Variants in KCTD1 observed in about 807,000 individuals in gnomAD.
KCTD1 encodes potassium channel tetramerization domain containing 1.
A neutral mutation model predicts 66.0 loss-of-function variants in KCTD1; 24 were observed. The observed-to-expected ratio is 0.36, with a 90% CI of 0.26 to 0.51. KCTD1 has a LOEUF of 0.51. KCTD1 is among the 20% of genes least tolerant of loss of function. The probability of loss-of-function intolerance (pLI) is 0.95; values close to 1 mark genes in which losing one functional copy is unlikely to be tolerated. For missense variants in KCTD1, 943 were observed against 1,205.2 expected, an observed-to-expected ratio of 0.78 and a Z score of 3.22; for synonymous variants, 511 against 517.2, an observed-to-expected ratio of 0.99 and a Z score of 0.16.
At chr18:26,559,705 G>A (rs1051633308) in intron 1 of KCTD1, among the ~76,000 whole-genome samples, 2 of 152,188 alleles carry the variant, frequency 1.3e-5, no homozygotes, top group African/African-American at 4.8e-5. Flanking sequence ...CATGGTAGGA[G>A]GGGCTGTTAA....
chr18:26,490,799 C>G (rs927001358), intron 2 of KCTD1, among the ~76,000 whole-genome samples: 1 of 152,008 alleles, frequency 6.6e-6, no homozygotes, highest in Non-Finnish European at 1.5e-5. Flanking sequence ...CGCCCAGGGT[C>G]TGAAGTACAG....
intron 1 of KCTD1, among the ~76,000 whole-genome samples, chr18:26,589,136 A>G (rs1986539134): frequency 6.6e-6 from 1 of 152,220 alleles, no homozygotes; most frequent in Non-Finnish European, 1.5e-5. Flanking sequence ...GGCTCTGTCT[A>G]GACCTGTGGC....
intron 1 of KCTD1, among the ~76,000 whole-genome samples, chr18:26,598,026 A>ATT (rs1986808030): frequency 6.6e-6 from 1 of 152,148 alleles, no homozygotes. Context: ...TCCAAGGCTG[A>ATT]TTCTAAGACA....
chr18:26,547,539 G>C lies in KCTD1; in HGVS notation c.998C>G (p.Ser333Cys), dbSNP rs1985310069. 1.9e-6 allele frequency: 3 copies of C among 1,551,640 alleles called. No individual in the cohort carries two copies. The highest frequency in any genetic ancestry group is 2.6e-6 in the Non-Finnish European group (3 of 1,146,990). ...GTCCTCGTCCATGGCCAGCCCAAAA[G>C]AGTCCTCCTCCAACTCACGCTGGTT... ...RENQRELEED[S>C]FGLAMDEDGR... Residue 333 changes from serine to cysteine, a missense_variant, in exon 1 of 5, where the codon TCT becomes TGT. Around this residue, in one of 10 missense-constraint regions of KCTD1, gnomAD observed 66 missense variants for 61.6 expected, o/e 1.07. Coordinates refer to ENST00000580059, the MANE Select transcript of KCTD1 (RefSeq NM_001142730.3).
chr18:26,491,361 A>G (rs1331975355), intron 2 of KCTD1, among the ~76,000 whole-genome samples: 1 of 152,204 alleles, frequency 6.6e-6, no homozygotes, highest in East Asian at 1.9e-4. Flanking sequence ...GCAAGGATCA[A>G]AGCTGGTCAC....
chr18:26,514,045 A>G (rs1447199723), intron 1 of KCTD1, among the ~76,000 whole-genome samples: 1 of 152,210 alleles, frequency 6.6e-6, no homozygotes, highest in African/African-American at 2.4e-5. Flanking sequence ...TCTTAGTGTC[A>G]TTTTATTGGA....
rs542490086 is a variant in KCTD1 at position 26,584,115 on chromosome 18, G to C, written c.-16+45032C>G. On this transcript the variant is annotated intron_variant, in intron 1 of 4. Coordinates refer to the KCTD1 transcript ENST00000317932. ...AGTCATTTCTTATATGAAAGACCAG[G>C]GTTCTGAGGCAATATTGGGATTGGA... 1.7e-4 allele frequency among the ~76,000 whole-genome samples: 26 copies of C among 152,290 alleles called. No individual in the cohort carries two copies. The East Asian group carries it at 3.7e-3, about 21-fold the overall frequency.
chr18:26,584,795 G>A (rs960585082), intron 1 of KCTD1, among the ~76,000 whole-genome samples: 2 of 152,162 alleles, frequency 1.3e-5, no homozygotes, highest in African/African-American at 2.4e-5. Flanking sequence ...AGTAGGTGAA[G>A]TATAAACTGA....
rs1177884568 is a variant in KCTD1, at chr18:26,650,875, T to C, written c.9+6485A>G. On this transcript the variant is annotated intron_variant, in intron 1 of 4. Coordinates refer to the KCTD1 transcript ENST00000580191. ...GAATATCCCTTCCTCTAGCCAGCAT[T>C]TGAAATCTATCTCGTTAACATTCTC... is the stretch of plus-strand genomic sequence containing the variant. 2.0e-5 allele frequency among the ~76,000 whole-genome samples: 3 copies of C among 152,260 alleles called. No individual in the cohort carries two copies. In the East Asian group the frequency reaches 5.8e-4, roughly 29 times the overall value.
upstream of KCTD1, chr18:26,548,619 C>T: frequency 8.5e-7 from 1 of 1,170,734 alleles, no homozygotes; most frequent in Non-Finnish European, 1.1e-6. Context: ...GTTTAATGAC[C>T]TTCAGCTACC....
chr18:26,538,100 A>G (rs1984795835), intron 1 of KCTD1, among the ~76,000 whole-genome samples: 1 of 151,608 alleles, frequency 6.6e-6, no homozygotes, highest in South Asian at 2.1e-4. Context: ...TACAAAAATT[A>G]GCCGGGCATG....
intron 1 of KCTD1, among the ~76,000 whole-genome samples, chr18:26,616,181 A>G (rs1403579938): frequency 6.1e-5 from 9 of 147,414 alleles, no homozygotes; most frequent in Non-Finnish European, 8.9e-5. Flanking sequence ...GTTGGACCTC[A>G]GGTGATGAGT....
At chr18:26,588,882 T>TGC (rs879309630) in intron 1 of KCTD1, among the ~76,000 whole-genome samples, 23,077 of 152,102 alleles carry the variant, frequency 0.15, 1,794 homozygotes, top group East Asian at 0.26. Context: ...CCCTAATATA[T>TGC]ACAGTATAGA....
At position 26,476,432 on chromosome 18, in the gene KCTD1, A is replaced by T; in HGVS notation, c.2133+83T>A. 4 of 1,327,356 alleles carry T rather than the reference A, an allele frequency of 3.0e-6. No individual in the cohort carries two copies. The highest frequency in any genetic ancestry group is 4.1e-6 in the Non-Finnish European group (4 of 970,306). The allele number at this position is 1,327,356 out of a possible 1,614,324, so 82.2% of individuals were successfully genotyped here. ...ACCTTTCGAGTTGGTGTATGTTAAT[A>T]ATGTAGAACTAGAAATATTTTTTTG... On this transcript the variant is annotated intron_variant, in intron 3 of 4. Transcript: ENST00000580059. The surrounding 1 kb of genome is among the most constrained non-coding windows in gnomAD (Gnocchi z 4.9).
intron 1 of KCTD1, among the ~76,000 whole-genome samples, chr18:26,539,411 G>A (rs1008698109): frequency 2.6e-5 from 4 of 152,186 alleles, no homozygotes; most frequent in Non-Finnish European, 5.9e-5. Flanking sequence ...GGCACAGAGT[G>A]GCGGGATTTT....
intron 1 of KCTD1, among the ~76,000 whole-genome samples, chr18:26,578,084 T>A (rs374162362): frequency 1.3e-4 from 18 of 135,392 alleles, no homozygotes; most frequent in Middle Eastern, 4.3e-3. Flanking sequence ...TTTGACAGAG[T>A]CTTGCTCTGT....
At chr18:26,641,369 T>G (rs1388373215), upstream of KCTD1, among the ~76,000 whole-genome samples, 1 of 152,198 alleles carries the variant, frequency 6.6e-6, no homozygotes, top group Non-Finnish European at 1.5e-5. Context: ...ATAGTTTGGA[T>G]TTTTTAAAGT....
intron 1 of KCTD1, among the ~76,000 whole-genome samples, chr18:26,525,028 T>TA (rs924276452): frequency 2.0e-5 from 3 of 152,006 alleles, no homozygotes; most frequent in African/African-American, 4.8e-5. Context: ...TTCATTTCCC[T>TA]AAAAAAAACT....
chr18:26,499,036 T>C (rs1398412308), intron 2 of KCTD1, among the ~76,000 whole-genome samples: 5 of 152,172 alleles, frequency 3.3e-5, no homozygotes, highest in Non-Finnish European at 5.9e-5. Context: ...GAGACCCACC[T>C]AGTTACAATG....
Sources: allele counts gnomAD v4.1 joint callset (sites outside exome capture counted in the v4.1 genomes callset), GRCh38; gene constraint gnomAD v4.1.1; regional missense constraint gnomAD v4.1.1; non-coding constraint Gnocchi (gnomAD v3.1); transcripts MANE v1.5; gene names NCBI Gene and HGNC (gene_info 2026-07-23, HGNC 2026-07-21).